BCAT1: variants seen among roughly 807,000 people sequenced by gnomAD.
The protein encoded by BCAT1 is branched-chain-amino-acid aminotransferase, cytosolic.
Under a neutral mutation model 52.4 loss-of-function variants are expected in BCAT1, and 48 were observed. The observed-to-expected ratio is 0.92, with a 90% CI of 0.73 to 1.16. BCAT1 has a LOEUF of 1.16. Among genes scored for constraint, BCAT1 ranks in the 50% most tolerant of loss-of-function variants. BCAT1 has a pLI of 0.00. For missense variants in BCAT1, 451 were observed against 457.1 expected, an observed-to-expected ratio of 0.99 and a Z score of 0.12; for synonymous variants, 167 against 161.3, an observed-to-expected ratio of 1.04 and a Z score of -0.27.
intron 1 of BCAT1, among the ~76,000 whole-genome samples, chr12:24,944,860 T>G (rs955712617): frequency 6.6e-6 from 1 of 152,244 alleles, no homozygotes; most frequent in Non-Finnish European, 1.5e-5. Context: ...TCTTTATTGG[T>G]CTTCCCTGTT....
intron 5 of BCAT1, among the ~76,000 whole-genome samples, chr12:24,859,971 C>T (rs1591815617): frequency 2.6e-5 from 4 of 152,134 alleles, no homozygotes; most frequent in African/African-American, 9.7e-5. Flanking sequence ...TGGGAAACTC[C>T]TAAATTCTGA....
chr12:24,898,706 G>A (rs1943019920), intron 2 of BCAT1, among the ~76,000 whole-genome samples: 1 of 151,492 alleles, frequency 6.6e-6, no homozygotes, highest in Admixed American at 6.6e-5. Flanking sequence ...AATACAAACA[G>A]GGTTTCACCA....
At chr12:24,877,117 A>G (rs906254099) in intron 5 of BCAT1, among the ~76,000 whole-genome samples, 1 of 152,232 alleles carries the variant, frequency 6.6e-6, no homozygotes, top group African/African-American at 2.4e-5. Context: ...CAAGGATACC[A>G]AAGAAAACAC....
intron 4 of BCAT1, among the ~76,000 whole-genome samples, chr12:24,880,767 G>A (rs1402736512): frequency 6.6e-6 from 1 of 151,602 alleles, no homozygotes; most frequent in Non-Finnish European, 1.5e-5. Context: ...ACTTGCATAT[G>A]AATCCCCCAC....
chr12:24,821,131 G>T (rs1223284937), intron 10 of BCAT1, among the ~76,000 whole-genome samples: 1 of 152,152 alleles, frequency 6.6e-6, no homozygotes, highest in African/African-American at 2.4e-5. Flanking sequence ...TAGGGAAGGG[G>T]GTGGAGCCTT....
chr12:24,854,501 A>C (rs1289181699), intron 5 of BCAT1, among the ~76,000 whole-genome samples: 4 of 152,180 alleles, frequency 2.6e-5, no homozygotes. Context: ...TACTGGACTA[A>C]GGGGTGCTTC....
At chr12:24,897,577 G>A (rs1321137939) in intron 2 of BCAT1, among the ~76,000 whole-genome samples, 1 of 152,014 alleles carries the variant, frequency 6.6e-6, no homozygotes, top group Non-Finnish European at 1.5e-5. Flanking sequence ...TCTTTTAGAT[G>A]GAGTCTCACT....
intron 7 of BCAT1, 58 bp downstream of exon 7, chr12:24,842,024 T>C (rs890566205): frequency 2.5e-6 from 4 of 1,578,940 alleles, no homozygotes; most frequent in African/African-American, 1.4e-5. Context: ...AGCTCTTGTC[T>C]TTCTGGTCCT....
intron 10 of BCAT1, among the ~76,000 whole-genome samples, 183 bp from the exon 11 acceptor site, chr12:24,818,232 C>G (rs1031509869): frequency 2.6e-5 from 4 of 151,998 alleles, no homozygotes; most frequent in African/African-American, 9.7e-5. Context: ...AAGAGGGACA[C>G]CATATAAAAC....
Position 24,811,772 on chromosome 12 carries a change from C to T in BCAT1, c.*6236G>A, listed in dbSNP as rs1939693826. On this transcript the variant is annotated 3_prime_UTR_variant, in exon 11 of 11. Transcript: ENST00000261192. ...CACTACACAGCTAAGATATCTGAGACTTGCAATGGCTGGAGTCTATCAGTA... is the reference window on the plus strand; with the variant it reads ...CACTACACAGCTAAGATATCTGAGATTTGCAATGGCTGGAGTCTATCAGTA... 1 of 152,120 alleles carries T rather than the reference C, an allele frequency of 6.6e-6. No homozygotes were observed. Among genetic ancestry groups the T allele is most frequent in the African/African-American group, 2.4e-5 (1 of 41,456 alleles). The allele number at this position is 152,120 out of a possible 1,614,324, so 9.4% of individuals were successfully genotyped here. A position where few individuals can be genotyped will look rare whatever the true frequency, so the allele number is the denominator to read the frequency against.
intron 1 of BCAT1, among the ~76,000 whole-genome samples, chr12:24,913,919 G>C (rs140574122): frequency 1.1e-3 from 161 of 152,106 alleles, no homozygotes; most frequent in African/African-American, 3.6e-3. Flanking sequence ...ACTATTTTTA[G>C]GTTTTATGGT....
intron 5 of BCAT1, among the ~76,000 whole-genome samples, chr12:24,853,665 AAAC>A (rs1157765807): frequency 6.6e-6 from 1 of 152,216 alleles, no homozygotes; most frequent in East Asian, 1.9e-4. Context: ...ATATAATATT[AAAC>A]AACTACAAGC....
intron 1 of BCAT1, among the ~76,000 whole-genome samples, chr12:24,917,805 G>A (rs975546100): frequency 1.3e-5 from 2 of 152,160 alleles, no homozygotes; most frequent in African/African-American, 4.8e-5. Context: ...CAGAGAGAGG[G>A]AACTTCTCTG....
intron 1 of BCAT1, among the ~76,000 whole-genome samples, chr12:24,939,193 A>C (rs1943813946): frequency 6.6e-6 from 1 of 152,150 alleles, no homozygotes; most frequent in Non-Finnish European, 1.5e-5. Flanking sequence ...TTTTATGTAT[A>C]TCTCCCTAAA....
intron 7 of BCAT1, among the ~76,000 whole-genome samples, chr12:24,837,956 A>G (rs927526091): frequency 1.3e-5 from 2 of 152,174 alleles, no homozygotes; most frequent in Non-Finnish European, 2.9e-5. Flanking sequence ...TAGTAGGACA[A>G]TTGTTCACAG....
intron 10 of BCAT1, among the ~76,000 whole-genome samples, chr12:24,824,388 T>C (rs1483963281): frequency 6.6e-6 from 1 of 151,926 alleles, no homozygotes; most frequent in Non-Finnish European, 1.5e-5. Context: ...AGTCTCACAT[T>C]CCTGGCCTCA....
chr12:24,820,407 G>A (rs1186260660), intron 10 of BCAT1, among the ~76,000 whole-genome samples: 4 of 152,144 alleles, frequency 2.6e-5, no homozygotes, highest in African/African-American at 9.7e-5. Context: ...AAGTAGAGAT[G>A]GCAGATTTAA....
intron 3 of BCAT1, among the ~76,000 whole-genome samples, chr12:24,882,494 T>C (rs941531827): frequency 6.6e-6 from 1 of 152,174 alleles, no homozygotes; most frequent in African/African-American, 2.4e-5. Context: ...GTACTAAAGC[T>C]TCGGTTAAAA....
intron 3 of BCAT1, among the ~76,000 whole-genome samples, chr12:24,891,846 TC>T (rs1942848409): frequency 6.6e-6 from 1 of 151,928 alleles, no homozygotes; most frequent in African/African-American, 2.4e-5. Flanking sequence ...CCTCCTGGGT[TC>T]ACGTCATTTT....
Sources: gnomAD v4.1 joint callset for allele counts (sites outside exome capture counted in the v4.1 genomes callset) on GRCh38, gnomAD v4.1.1 for gene constraint, MANE v1.5 for transcripts, NCBI Gene and HGNC (gene_info 2026-07-23, HGNC 2026-07-21) for gene names.